Variants in GPATCH8 observed in about 807,000 individuals in gnomAD.
The protein encoded by GPATCH8 is G-patch domain containing 8.
Under a neutral mutation model 118.3 loss-of-function variants are expected in GPATCH8, and 18 were observed. That is an observed-to-expected ratio of 0.15 (90% CI 0.11 to 0.23). The LOEUF is 0.23. GPATCH8 is among the 10% of genes least tolerant of loss of function. The pLI is 1.00. For missense variants in GPATCH8, 1,631 were observed against 1,873.8 expected, an observed-to-expected ratio of 0.87 and a Z score of 2.39; for synonymous variants, 659 against 684.7, an observed-to-expected ratio of 0.96 and a Z score of 0.59.
chr17:44,488,152 T>C (rs1968936410), intron 1 of GPATCH8, among the ~76,000 whole-genome samples: 1 of 151,250 alleles, frequency 6.6e-6, no homozygotes. Context: ...CTCAATCTCC[T>C]GACCTCGTGA....
intron 5 of GPATCH8, among the ~76,000 whole-genome samples, chr17:44,430,995 T>A (rs1395599086): frequency 6.6e-6 from 1 of 152,060 alleles, no homozygotes. Flanking sequence ...TAAAAATCAT[T>A]AAATTGTAGT....
Position 44,399,489 on chromosome 17 carries a change from T to C in GPATCH8, c.2588A>G (p.His863Arg), listed in dbSNP as rs565935369. 9 of 1,614,190 alleles carry C rather than the reference T, an allele frequency of 5.6e-6. No individual in the cohort carries two copies. The East Asian group carries it at 6.7e-5, about 12-fold the overall frequency. The change falls in exon 8 of 8, where the codon CAT (histidine) becomes CGT (arginine). Residue 863 changes from histidine to arginine, a missense_variant. His to Arg is a conservative substitution (Grantham distance 29). Coordinates refer to ENST00000591680, the MANE Select transcript of GPATCH8 (RefSeq NM_001002909.4). ...TGAGTAAGAACGCCGGGAGGAACGA[T>C]GCGAGGAATGGCGCCGGCCAGACCT... ...RSRSGRRHSS[H>R]RSSRRSYSSS...
At chr17:44,427,161 G>A (rs1490890577) in intron 5 of GPATCH8, among the ~76,000 whole-genome samples, 1 of 150,970 alleles carries the variant, frequency 6.6e-6, no homozygotes, top group Non-Finnish European at 1.5e-5. Flanking sequence ...CTGTAGCATC[G>A]ACCTCCTGGG....
At chr17:44,418,998 T>C (rs1469286827) in intron 6 of GPATCH8, among the ~76,000 whole-genome samples, 1 of 152,138 alleles carries the variant, frequency 6.6e-6, no homozygotes, top group Non-Finnish European at 1.5e-5. Context: ...TCGTAAAATC[T>C]TGGAAAACCT....
chr17:44,466,850 A>G (rs969057539), intron 2 of GPATCH8, among the ~76,000 whole-genome samples: 3 of 152,166 alleles, frequency 2.0e-5, no homozygotes, highest in African/African-American at 7.2e-5. Context: ...TAACAGACTC[A>G]TAACTATATT....
intron 3 of GPATCH8, among the ~76,000 whole-genome samples, chr17:44,453,530 TGC>T (rs2051212815): frequency 6.6e-6 from 1 of 150,452 alleles, no homozygotes; most frequent in Non-Finnish European, 1.5e-5. Context: ...TGTGTGTGTG[TGC>T]AGGCGCGCGT....
At chr17:44,472,460 A>C (rs1176272218) in intron 2 of GPATCH8, among the ~76,000 whole-genome samples, 1 of 152,228 alleles carries the variant, frequency 6.6e-6, no homozygotes, top group Non-Finnish European at 1.5e-5. Flanking sequence ...CTAGGCTTAA[A>C]ATATGTTAAA....
intron 1 of GPATCH8, among the ~76,000 whole-genome samples, chr17:44,498,218 A>T (rs1238638200): frequency 1.3e-5 from 2 of 152,232 alleles, no homozygotes; most frequent in African/African-American, 4.8e-5. Context: ...GGAAAGGTAC[A>T]ACAGGAGTAC....
intron 3 of GPATCH8, among the ~76,000 whole-genome samples, chr17:44,451,072 T>C (rs1408258995): frequency 1.6e-4 from 24 of 152,206 alleles, no homozygotes; most frequent in Admixed American, 1.6e-3. Flanking sequence ...GCAGAGGTTC[T>C]ATCTTATTCA....
intron 1 of GPATCH8, chr17:44,486,719 C>T (rs550388111): frequency 6.6e-6 from 1 of 152,230 alleles, no homozygotes; most frequent in Middle Eastern, 3.4e-3. Context: ...AGAAAGCCCT[C>T]CTTTCTCCGT....
chr17:44,468,140 T>G (rs1485508879), intron 2 of GPATCH8, among the ~76,000 whole-genome samples: 1 of 151,894 alleles, frequency 6.6e-6, no homozygotes, highest in Admixed American at 6.6e-5. Flanking sequence ...GCCAATTTTT[T>G]TTTTGTATTT....
intron 5 of GPATCH8, among the ~76,000 whole-genome samples, chr17:44,430,806 C>CT (rs369020719): frequency 0.49 from 63,561 of 129,410 alleles, 17,159 homozygotes; most frequent in Middle Eastern, 0.62. Context: ...CCACGCCCAG[C>CT]TTTTTTTTTT....
intron 1 of GPATCH8, among the ~76,000 whole-genome samples, chr17:44,488,499 G>T (rs963878482): frequency 3.3e-5 from 5 of 151,564 alleles, no homozygotes; most frequent in African/African-American, 9.7e-5. Flanking sequence ...CTCCCAAGTA[G>T]CCTGGGATTA....
rs1967403384 is a variant in GPATCH8, at chr17:44,472,844, T to TACCACTGCGCCC, written c.120+1973_120+1984dup. ...CCGAGTAGCTGGGACTACAGGTGCC[T>TACCACTGCGCCC]ACCACTGCGCCCGGCTAATTTTTGT... On this transcript the variant is annotated intron_variant, in intron 2 of 7. Coordinates refer to ENST00000591680, the MANE Select transcript of GPATCH8 (RefSeq NM_001002909.4). 1.8e-4 allele frequency among the ~76,000 whole-genome samples: 27 copies of TACCACTGCGCCC among 151,970 alleles called. No homozygotes were observed. The South Asian group carries it at 5.6e-3, about 32-fold the overall frequency.
At chr17:44,494,345 A>T (rs927409047) in intron 1 of GPATCH8, among the ~76,000 whole-genome samples, 9 of 152,072 alleles carry the variant, frequency 5.9e-5, no homozygotes. Flanking sequence ...TAATCCCAGC[A>T]CTTTGGGAGG....
At chr17:44,433,018 T>A (rs1396776200) in intron 5 of GPATCH8, among the ~76,000 whole-genome samples, 2 of 152,058 alleles carry the variant, frequency 1.3e-5, no homozygotes, top group Admixed American at 1.3e-4. Flanking sequence ...TTTTTTTTCT[T>A]TTTTCTTTTT....
At chr17:44,466,767 T>A (rs926727474) in intron 2 of GPATCH8, among the ~76,000 whole-genome samples, 1 of 152,188 alleles carries the variant, frequency 6.6e-6, no homozygotes, top group Non-Finnish European at 1.5e-5. Flanking sequence ...TACAACTGAA[T>A]AATTCTAGGA....
At chr17:44,432,854 A>G (rs1483671979) in intron 5 of GPATCH8, among the ~76,000 whole-genome samples, 1 of 152,082 alleles carries the variant, frequency 6.6e-6, no homozygotes, top group African/African-American at 2.4e-5. Context: ...GATCAATAAG[A>G]TGGGGAAAGT....
intron 6 of GPATCH8, among the ~76,000 whole-genome samples, chr17:44,418,369 G>A (rs1309106827): frequency 6.6e-6 from 1 of 152,058 alleles, no homozygotes; most frequent in African/African-American, 2.4e-5. Context: ...AGGAGGCAAG[G>A]ACGTAGGGAT....
Sources: gnomAD v4.1 joint callset for allele counts (sites outside exome capture counted in the v4.1 genomes callset) on GRCh38, gnomAD v4.1.1 for gene constraint, MANE v1.5 for transcripts, NCBI Gene and HGNC (gene_info 2026-07-23, HGNC 2026-07-21) for gene names.